The following SENP6 variants were observed in gnomAD, a reference collection of about 807,000 sequenced individuals.
SENP6 encodes the protein sentrin-specific protease 6.
Under a neutral mutation model 134.5 loss-of-function variants are expected in SENP6, and 41 were observed. The ratio of observed to expected loss-of-function variants is 0.30; its 90% CI spans 0.24 to 0.40. The LOEUF (loss-of-function observed/expected upper bound fraction) is 0.40. SENP6 is among the 10% of genes least tolerant of loss of function. The pLI is 1.00. For missense variants in SENP6, 1,248 were observed against 1,312.5 expected (o/e 0.95, Z 0.76); for synonymous variants, 395 against 429.8 (o/e 0.92, Z 1.00).
At chr6:75,669,031 CCTCT>C (rs1353185319) in intron 10 of SENP6, among the ~76,000 whole-genome samples, 1 of 152,124 alleles carries the variant, frequency 6.6e-6, no homozygotes, top group East Asian at 1.9e-4. Context: ...CACTTTTAAA[CCTCT>C]CTAACAGGTT....
rs1483715551 is a variant in SENP6, at chr6:75,681,458, ATTTC to A, written c.2075+2535_2075+2538del. The stretch of plus-strand genomic sequence containing the variant: ...CTTTATAAATTACCCAGTCTCAGGT[ATTTC>A]TTTTTTTTTTTTTGGAGATGGAGTC... On this transcript the variant is annotated intron_variant, in intron 16 of 23. Coordinates refer to ENST00000447266, the MANE Select transcript of SENP6 (RefSeq NM_015571.4). 2.7e-5 allele frequency among the ~76,000 whole-genome samples: 4 copies of A among 149,046 alleles called. No individual in the cohort carries two copies. In the East Asian group the frequency reaches 7.8e-4, roughly 29 times the overall value.
chr6:75,710,729 C>T (rs1775700958), intron 20 of SENP6, among the ~76,000 whole-genome samples: 4 of 152,020 alleles, frequency 2.6e-5, no homozygotes, highest in Admixed American at 6.6e-5. Flanking sequence ...TTATTCCATT[C>T]GTAAAGTTGC....
intron 11 of SENP6, among the ~76,000 whole-genome samples, chr6:75,673,397 C>G (rs1424629751): frequency 6.8e-6 from 1 of 147,826 alleles, no homozygotes; most frequent in Non-Finnish European, 1.5e-5. Context: ...AATCTTGGCT[C>G]ACTGCAGCCT....
intron 16 of SENP6, among the ~76,000 whole-genome samples, chr6:75,694,897 AAGTCTTG>A (rs1774547134): frequency 6.6e-6 from 1 of 152,006 alleles, no homozygotes; most frequent in African/African-American, 2.4e-5. Context: ...TCTTGAGACC[AAGTCTTG>A]GTCTGTCATG....
intron 19 of SENP6, among the ~76,000 whole-genome samples, chr6:75,705,954 T>G (rs1373669395): frequency 4.3e-4 from 57 of 132,532 alleles, no homozygotes; most frequent in Admixed American, 3.8e-3. Context: ...TTTTTTTTTT[T>G]GAGATGGAGT....
intron 16 of SENP6, among the ~76,000 whole-genome samples, chr6:75,682,814 A>G (rs1031291341): frequency 6.6e-6 from 1 of 152,194 alleles, no homozygotes; most frequent in African/African-American, 2.4e-5. Context: ...ATTGATGGAC[A>G]TTTGGGTTGG....
chr6:75,612,248 A>G (rs1767508345), intron 1 of SENP6, among the ~76,000 whole-genome samples: 1 of 152,238 alleles, frequency 6.6e-6, no homozygotes, highest in Non-Finnish European at 1.5e-5. Context: ...AAATCTTGAT[A>G]GTTCTTAAGA....
intron 1 of SENP6, among the ~76,000 whole-genome samples, chr6:75,612,145 C>G (rs939429516): frequency 6.6e-6 from 1 of 152,000 alleles, no homozygotes; most frequent in African/African-American, 2.4e-5. Context: ...GTGGTTTGGT[C>G]GGGAAGTTCC....
At chr6:75,672,214 G>A (rs534939093) in intron 11 of SENP6, among the ~76,000 whole-genome samples, 4 of 152,158 alleles carry the variant, frequency 2.6e-5, no homozygotes, top group South Asian at 4.2e-4. Flanking sequence ...TAACTTTTAC[G>A]GCTTTCTCCC....
chr6:75,614,276 T>G (rs7745024), intron 1 of SENP6, among the ~76,000 whole-genome samples: 42,968 of 150,686 alleles, frequency 0.29, 6,651 homozygotes, highest in Non-Finnish European at 0.37. Flanking sequence ...TTTTTTTTTT[T>G]TTTGTTTGAG....
intron 8 of SENP6, among the ~76,000 whole-genome samples, chr6:75,661,601 C>G (rs1165411473): frequency 2.0e-5 from 3 of 152,234 alleles, no homozygotes; most frequent in African/African-American, 4.8e-5. Flanking sequence ...TTCTTTTACT[C>G]TATTCCTATG....
chr6:75,618,454 A>G (rs1156552216), intron 1 of SENP6, among the ~76,000 whole-genome samples: 1 of 152,134 alleles, frequency 6.6e-6, no homozygotes, highest in Non-Finnish European at 1.5e-5. Flanking sequence ...ATTTTCTTGC[A>G]TTCTGACCCT....
Position 75,711,567 on chromosome 6 carries a change from G to A in SENP6, c.2909+151G>A, listed in dbSNP as rs1775747007. 3.4e-5 allele frequency: 18 copies of A among 522,118 alleles called. No homozygotes were observed. The South Asian group carries it at 5.3e-4, about 15-fold the overall frequency. The allele number at this position is 522,118 out of a possible 1,614,324, so 32.3% of individuals were successfully genotyped here. On this transcript the variant is annotated intron_variant, in intron 21 of 23. Coordinates refer to ENST00000447266, the MANE Select transcript of SENP6 (RefSeq NM_015571.4). ...GGAAACTTGAGGCATGCTATCTAGGGATTAAAATGGGAAGAATGGGTAATC... is the reference window on the plus strand; with the variant it reads ...GGAAACTTGAGGCATGCTATCTAGGAATTAAAATGGGAAGAATGGGTAATC...
intron 1 of SENP6, 112 bp downstream of exon 1, chr6:75,602,688 A>C: frequency 9.2e-7 from 1 of 1,089,618 alleles, no homozygotes; most frequent in Non-Finnish European, 1.3e-6. Context: ...GGGGCGGTGA[A>C]GTACGAGGGA....
chr6:75,681,119 T>C (rs1249053795), intron 16 of SENP6, among the ~76,000 whole-genome samples: 3 of 152,144 alleles, frequency 2.0e-5, no homozygotes, highest in African/African-American at 2.4e-5. Context: ...ACAGTTGAGG[T>C]TTGTGTCCCC....
Position 75,647,719 on chromosome 6 carries a change from T to C in SENP6, c.480-12T>C. 1 of 1,572,822 alleles carries C rather than the reference T, an allele frequency of 6.4e-7. No individual in the cohort carries two copies. The highest frequency in any genetic ancestry group is 1.7e-5 in the Admixed American group (1 of 59,748). ...TCCTGTTAGAATAAAACTACATAAATTTCTTTTTTAGGAAAGAATACCCAC... is the reference window on the plus strand; with the variant it reads ...TCCTGTTAGAATAAAACTACATAAACTTCTTTTTTAGGAAAGAATACCCAC... On this transcript the variant is annotated splice_polypyrimidine_tract_variant and intron_variant, in intron 6 of 23. Coordinates refer to ENST00000447266, the MANE Select transcript of SENP6 (RefSeq NM_015571.4).
intron 16 of SENP6, among the ~76,000 whole-genome samples, chr6:75,684,034 G>C (rs1485397095): frequency 6.6e-6 from 1 of 152,128 alleles, no homozygotes; most frequent in Non-Finnish European, 1.5e-5. Context: ...CATGAGAATG[G>C]AATATTCTTC....
In SENP6 at chr6:75,621,591, C is replaced by A; in HGVS notation, c.112C>A (p.His38Asn). ...TTTTAAAAATAATTGGAGCTTTGAT[C>A]ATGAAGAAGAAAGTGAAGGAGATAC... is the stretch of plus-strand genomic sequence containing the variant. ...GGFKNNWSFD[H>N]EEESEGDTDK... The change falls in exon 2 of 24, where the codon CAT (histidine) becomes AAT (asparagine). Residue 38 changes from histidine to asparagine, a missense_variant. Physicochemically the swap from His to Asn is moderately conservative, Grantham distance 68. Coordinates refer to ENST00000447266, the MANE Select transcript of SENP6 (RefSeq NM_015571.4). The A allele has an allele frequency of 6.2e-7, 1 of 1,610,456 alleles. No individual in the cohort carries two copies. The highest frequency in any genetic ancestry group is 1.1e-5 in the South Asian group (1 of 90,858).
At chr6:75,670,433 GA>G in intron 10 of SENP6, 119 bp from the exon 11 acceptor site, 2 of 629,428 alleles carry the variant, frequency 3.2e-6, no homozygotes, top group Non-Finnish European at 5.2e-6. Context: ...CTGTTGAAGG[GA>G]AATCCATTTT....
Sources: allele counts gnomAD v4.1 joint callset (sites outside exome capture counted in the v4.1 genomes callset), GRCh38; gene constraint gnomAD v4.1.1; transcripts MANE v1.5; gene names NCBI Gene and HGNC (gene_info 2026-07-23, HGNC 2026-07-21).